The following GFOD2 variants were observed in gnomAD, a reference collection of about 807,000 sequenced individuals.
The protein encoded by GFOD2 is Gfo/Idh/MocA-like oxidoreductase domain containing 2, also known as glucose-fructose oxidoreductase domain-containing protein 2.
A neutral mutation model predicts 24.6 loss-of-function variants in GFOD2; 9 were observed. The observed-to-expected ratio is 0.37, with a 90% confidence interval of 0.22 to 0.64. The LOEUF is 0.64. Among genes scored for constraint, GFOD2 ranks in the 30% least tolerant of loss-of-function variants. The probability of loss-of-function intolerance (pLI) is 0.65; values close to 1 mark genes in which losing one functional copy is unlikely to be tolerated. For missense variants in GFOD2, 476 were observed against 532.5 expected, an observed-to-expected ratio of 0.89 and a Z score of 1.04; for synonymous variants, 211 against 224.8, an observed-to-expected ratio of 0.94 and a Z score of 0.55.
chr16:67,691,321 C>T (rs143248649), intron 1 of GFOD2, among the ~76,000 whole-genome samples: 33 of 152,276 alleles, frequency 2.2e-4, no homozygotes, highest in African/African-American at 7.9e-4. Flanking sequence ...GATCCTCCCA[C>T]CTCAGCCTCC....
At chr16:67,676,276 T>C in intron 2 of GFOD2, 1 of 556,942 alleles carries the variant, frequency 1.8e-6, no homozygotes, top group Admixed American at 3.5e-5. Context: ...CACAGGTGTG[T>C]ACCACCACGC....
intron 1 of GFOD2, among the ~76,000 whole-genome samples, chr16:67,698,981 TG>T (rs2142996025): frequency 6.6e-6 from 1 of 151,128 alleles, no homozygotes; most frequent in Middle Eastern, 3.2e-3. Flanking sequence ...AATAAATAAC[TG>T]AACTATAGAC....
chr16:67,685,487 G>A lies in GFOD2; in HGVS notation c.229C>T (p.Leu77Phe). ...DLVCISIPPP[L>F]TRQISVKALG... ...GCCTTCACGGATATCTGCCGGGTGAGTGGAGGGGGGATGCTGATGCACACC... is the reference window on the plus strand; with the variant it reads ...GCCTTCACGGATATCTGCCGGGTGAATGGAGGGGGGATGCTGATGCACACC... Residue 77 changes from leucine to phenylalanine, a missense_variant, in exon 2 of 3, where the codon CTC (leucine) becomes TTC (phenylalanine). Transcript: ENST00000268797. The A allele has an allele frequency of 6.2e-7, 1 of 1,614,202 alleles. No homozygotes were observed. Among genetic ancestry groups the A allele is most frequent in the Non-Finnish European group, 8.5e-7 (1 of 1,180,038 alleles).
intron 1 of GFOD2, among the ~76,000 whole-genome samples, chr16:67,710,800 T>TAC (rs2053468422): frequency 3.9e-5 from 6 of 152,310 alleles, no homozygotes; most frequent in Non-Finnish European, 7.3e-5. Context: ...CACTGACCCC[T>TAC]ACCCTGCTCC....
At chr16:67,683,459 T>C in intron 2 of GFOD2, 1 of 1,231,136 alleles carries the variant, frequency 8.1e-7, no homozygotes, top group Non-Finnish European at 1.0e-6. Context: ...TTGAACCAAC[T>C]TGCTGCTAAA....
chr16:67,677,292 C>T (rs1201809650), intron 2 of GFOD2: 1 of 152,236 alleles, frequency 6.6e-6, no homozygotes, highest in Admixed American at 6.5e-5. Context: ...ATCACTGCAA[C>T]TTCCGCCTCC....
intron 2 of GFOD2, among the ~76,000 whole-genome samples, chr16:67,679,200 A>T (rs1428676147): frequency 6.6e-6 from 1 of 151,386 alleles, no homozygotes; most frequent in African/African-American, 2.4e-5. Flanking sequence ...TCACATAGAA[A>T]CTACATTTTC....
intron 1 of GFOD2, among the ~76,000 whole-genome samples, chr16:67,698,117 C>T (rs879341860): frequency 6.6e-6 from 1 of 152,160 alleles, no homozygotes; most frequent in African/African-American, 2.4e-5. Flanking sequence ...AAGAGATCAG[C>T]GAGCAGGAGG....
chr16:67,681,970 A>C lies in GFOD2; in HGVS notation c.259+3487T>G, dbSNP rs140271015. The C allele has an allele frequency of 5.9e-5, 44 of 748,180 alleles. No homozygotes were observed. The African/African-American group carries it at 7.4e-4, about 13-fold the overall frequency. The allele number at this position is 748,180 out of a possible 1,614,324, so 46.3% of individuals were successfully genotyped here. A position where few individuals can be genotyped will look rare whatever the true frequency, so the allele number is the denominator to read the frequency against. ...CAAAGTAGGATGATTGCCTGAGGTT[A>C]GGAGTTCGAAACCAGCTTGAACAAC... On this transcript the variant is annotated intron_variant, in intron 2 of 2. Coordinates refer to ENST00000268797, the MANE Select transcript of GFOD2 (RefSeq NM_030819.4).
intron 2 of GFOD2, chr16:67,676,639 G>A (rs895734952): frequency 6.6e-6 from 1 of 152,386 alleles, no homozygotes; most frequent in Admixed American, 6.5e-5. Context: ...ACTCCAGAGA[G>A]GGCCCTAAGA....
intron 1 of GFOD2, among the ~76,000 whole-genome samples, chr16:67,716,776 T>A (rs1263738493): frequency 6.6e-6 from 1 of 152,238 alleles, no homozygotes; most frequent in Non-Finnish European, 1.5e-5. Flanking sequence ...TGCCCCATTA[T>A]AACTCCTGAG....
chr16:67,718,552 G>A (rs1803213422), intron 1 of GFOD2, among the ~76,000 whole-genome samples: 1 of 152,120 alleles, frequency 6.6e-6, no homozygotes, highest in Non-Finnish European at 1.5e-5. Flanking sequence ...TTCACCTTTT[G>A]TCTCAAGTCC....
intron 2 of GFOD2, chr16:67,683,800 A>T: frequency 8.2e-7 from 1 of 1,225,784 alleles, no homozygotes; most frequent in Non-Finnish European, 1.0e-6. Context: ...AGAGTGGAGG[A>T]CAACCTCATG....
intron 1 of GFOD2, among the ~76,000 whole-genome samples, chr16:67,694,133 T>A (rs1341908111): frequency 6.6e-6 from 1 of 152,082 alleles, no homozygotes; most frequent in Non-Finnish European, 1.5e-5. Flanking sequence ...TGGCTGGGAT[T>A]ACAGGCACAC....
chr16:67,706,326 G>A (rs2053439174), intron 1 of GFOD2, among the ~76,000 whole-genome samples: 1 of 152,022 alleles, frequency 6.6e-6, no homozygotes, highest in Non-Finnish European at 1.5e-5. Flanking sequence ...TCTCAGTGCT[G>A]GGCTTTTAAA....
At chr16:67,690,244 C>T (rs2053300861) in intron 1 of GFOD2, among the ~76,000 whole-genome samples, 1 of 152,176 alleles carries the variant, frequency 6.6e-6, no homozygotes, top group African/African-American at 2.4e-5. Flanking sequence ...TGAGGAACCA[C>T]CATACTGTTT....
At chr16:67,680,198 T>A (rs2053214910) in intron 2 of GFOD2, among the ~76,000 whole-genome samples, 1 of 152,190 alleles carries the variant, frequency 6.6e-6, no homozygotes, top group Non-Finnish European at 1.5e-5. Flanking sequence ...GCCCAACCCA[T>A]GTTGATTTTA....
intron 1 of GFOD2, among the ~76,000 whole-genome samples, chr16:67,703,175 G>A (rs567626227): frequency 3.0e-3 from 449 of 152,124 alleles, no homozygotes; most frequent in Non-Finnish European, 5.3e-3. Flanking sequence ...AGGCTGAGGC[G>A]GGCGGATCAC....
chr16:67,698,285 T>C (rs980804003), intron 1 of GFOD2, among the ~76,000 whole-genome samples: 1 of 152,184 alleles, frequency 6.6e-6, no homozygotes, highest in Non-Finnish European at 1.5e-5. Flanking sequence ...CACTCCGTCA[T>C]TGCACCTAGG....
Sources: allele counts gnomAD v4.1 joint callset (sites outside exome capture counted in the v4.1 genomes callset), GRCh38; gene constraint gnomAD v4.1.1; transcripts MANE v1.5; gene names NCBI Gene and HGNC (gene_info 2026-07-23, HGNC 2026-07-21).